The following RAB3GAP2 variants were observed in gnomAD, a reference collection of about 807,000 sequenced individuals.
RAB3GAP2 encodes RAB3 GTPase activating non-catalytic protein subunit 2, also known as rab3 GTPase-activating protein non-catalytic subunit.
RAB3GAP2 carries 87 observed loss-of-function variants against 185.3 expected under a neutral mutation model. That is an observed-to-expected ratio of 0.47 (90% CI 0.39 to 0.56). The LOEUF is 0.56. RAB3GAP2 is among the 20% of genes least tolerant of loss of function. The probability of loss-of-function intolerance (pLI) is 0.00; values close to 1 mark genes in which losing one functional copy is unlikely to be tolerated. For synonymous variants in RAB3GAP2, 554 were observed against 576.1 expected, an observed-to-expected ratio of 0.96 and a Z score of 0.55; for missense variants, 1,492 against 1,638.2, an observed-to-expected ratio of 0.91 and a Z score of 1.54.
intron 7 of RAB3GAP2, among the ~76,000 whole-genome samples, chr1:220,206,289 T>C (rs181840235): frequency 3.4e-3 from 512 of 152,262 alleles, no homozygotes; most frequent in Non-Finnish European, 6.1e-3. Context: ...AATATACTCA[T>C]TGCACAGATA....
At position 220,164,166 on chromosome 1, in the gene RAB3GAP2, C is replaced by T. The variant is rs570558946; in HGVS notation, c.3154+567G>A. Among the ~76,000 whole-genome samples, 5 of 152,252 alleles carry T rather than the reference C, an allele frequency of 3.3e-5. No individual in the cohort carries two copies. In the East Asian group the frequency reaches 9.7e-4, roughly 29 times the overall value. ...CACAAGATAGTTGCTACAGTCTAAT[C>T]TTATTAGGCTTTTGGCTACCAAGAT... On this transcript the variant is annotated intron_variant, in intron 27 of 34. Transcript: ENST00000358951.
intron 20 of RAB3GAP2, 78 bp downstream of exon 20, chr1:220,182,640 T>G: frequency 4.7e-6 from 6 of 1,283,892 alleles, no homozygotes; most frequent in Non-Finnish European, 6.4e-6. Flanking sequence ...AAATGGAATC[T>G]CTGAGATGCT....
Position 220,205,959 on chromosome 1 carries a change from A to G in RAB3GAP2, c.660T>C (p.Asp220=). 1.2e-6 allele frequency: 2 copies of G among 1,612,000 alleles called. No individual in the cohort carries two copies. The highest frequency in any genetic ancestry group is 8.5e-7 in the Non-Finnish European group (1 of 1,178,322). ...GAAGAGATTGAAAAAGGCTAAATCC[A>G]TCAATAGTCACAATGGCAGCTGGAT... The part of the protein sequence containing the change: ...ILYPAAIVTI[D]GFSLFQSLRA... The change falls in exon 8 of 35, where the codon GAT becomes GAC. Residue 220 remains aspartate, a synonymous_variant. Transcript: ENST00000358951.
rs113619045 is a variant in RAB3GAP2, at chr1:220,213,741, G to GA, written c.304+114_304+115insT. On this transcript the variant is annotated intron_variant, in intron 3 of 34. Transcript: ENST00000358951. ...GGGGCGGAGGAGGAGTTGGGGGGGG[G>GA]GGGAGAGAGAGAGAAATAAATAAAT... The GA allele has an allele frequency of 1.8e-5, 18 of 993,560 alleles. No homozygotes were observed. In the African/African-American group the frequency reaches 2.9e-4, roughly 16 times the overall value. 61.5% of individuals were successfully genotyped at this position (993,560 alleles called of 1,614,324 possible).
At position 220,185,359 on chromosome 1, in the gene RAB3GAP2, T is replaced by C. The variant is rs544150022; in HGVS notation, c.1870+292A>G. 1.6e-4 allele frequency among the ~76,000 whole-genome samples: 24 copies of C among 152,258 alleles called. No individual in the cohort carries two copies. In the Middle Eastern group the frequency reaches 0.014, roughly 86 times the overall value. ...TTCACGAGGGAAACTGATACACTGA[T>C]AGAACATTAATACAAAGCTATATCA... On this transcript the variant is annotated intron_variant, in intron 18 of 34. Coordinates refer to ENST00000358951, the MANE Select transcript of RAB3GAP2 (RefSeq NM_012414.4).
rs1298730195 is a variant in RAB3GAP2, at chr1:220,272,452, A to G, written c.-115T>C. 4.1e-6 allele frequency: 3 copies of G among 730,580 alleles called. No individual in the cohort carries two copies. The highest frequency in any genetic ancestry group is 3.5e-5 in the African/African-American group (2 of 56,852). 45.3% of individuals were successfully genotyped at this position (730,580 alleles called of 1,614,324 possible). Reference sequence around the variant, plus strand: ...CTCTAGCCAAGCAGAAGGCGGAGAAACCAAACCGGAAGCTGTCACTGACAC... The same window carrying G: ...CTCTAGCCAAGCAGAAGGCGGAGAAGCCAAACCGGAAGCTGTCACTGACAC... On this transcript the variant is annotated 5_prime_UTR_variant, in exon 1 of 35. Transcript: ENST00000358951.
At chr1:220,242,725 C>T (rs745464061) in intron 1 of RAB3GAP2, among the ~76,000 whole-genome samples, 3 of 152,086 alleles carry the variant, frequency 2.0e-5, no homozygotes, top group Admixed American at 6.5e-5. Flanking sequence ...AACAACTTTA[C>T]GAACCATTAT....
chr1:220,220,072 T>C (rs12040095), intron 2 of RAB3GAP2, among the ~76,000 whole-genome samples: 12,518 of 152,238 alleles, frequency 0.082, 723 homozygotes, highest in African/African-American at 0.16. Flanking sequence ...GACAAGGTAA[T>C]TTCCCAAGCC....
At chr1:220,163,079 T>C (rs1398714572) in intron 27 of RAB3GAP2, among the ~76,000 whole-genome samples, 1 of 152,156 alleles carries the variant, frequency 6.6e-6, no homozygotes, top group Non-Finnish European at 1.5e-5. Context: ...TTCAAGATTA[T>C]TGTGAGCTAT....
intron 1 of RAB3GAP2, among the ~76,000 whole-genome samples, chr1:220,248,391 T>G (rs1055403721): frequency 5.3e-5 from 8 of 152,100 alleles, no homozygotes; most frequent in African/African-American, 1.7e-4. Context: ...AAATTAACTA[T>G]GTAAGGTGAT....
chr1:220,228,445 T>G (rs1659442594), intron 2 of RAB3GAP2, among the ~76,000 whole-genome samples: 1 of 152,134 alleles, frequency 6.6e-6, no homozygotes. Context: ...TTCATAATAG[T>G]GCTATATATG....
intron 1 of RAB3GAP2, among the ~76,000 whole-genome samples, chr1:220,249,918 T>C (rs926469967): frequency 1.3e-5 from 2 of 152,100 alleles, no homozygotes; most frequent in Non-Finnish European, 2.9e-5. Context: ...TGAGGATGTA[T>C]GGAGATGCCT....
chr1:220,221,477 T>C (rs1659306180), intron 2 of RAB3GAP2, among the ~76,000 whole-genome samples: 1 of 152,200 alleles, frequency 6.6e-6, no homozygotes, highest in Non-Finnish European at 1.5e-5. Context: ...GACACTACTA[T>C]GGTAAATAAC....
chr1:220,175,289 C>T (rs1169257136), intron 21 of RAB3GAP2, among the ~76,000 whole-genome samples: 2 of 151,778 alleles, frequency 1.3e-5, no homozygotes, highest in Non-Finnish European at 1.5e-5. Flanking sequence ...TGCAGTGGCG[C>T]GATCTTGGCT....
chr1:220,269,880 G>A (rs1457398967), intron 1 of RAB3GAP2, among the ~76,000 whole-genome samples: 1 of 152,192 alleles, frequency 6.6e-6, no homozygotes, highest in Non-Finnish European at 1.5e-5. Context: ...TGGTGGCCTG[G>A]ACCAGGAGAG....
rs1175306731 is a variant in RAB3GAP2 at position 220,185,721 on chromosome 1, T to C, written c.1800A>G (p.Ala600=). ...TKKQALESIL[A]SERLPFSCLR... ...GGCAAGAAAATGGTAAACGTTCACT[T>C]GCCAAAATGCTTTCCAAAGCCTAGG... The change falls in exon 18 of 35, where the codon GCA becomes GCG. Residue 600 remains alanine, a synonymous_variant. Coordinates refer to ENST00000358951, the MANE Select transcript of RAB3GAP2 (RefSeq NM_012414.4). 6.2e-7 allele frequency: 1 copy of C among 1,611,788 alleles called. No homozygotes were observed. Among genetic ancestry groups the C allele is most frequent in the African/African-American group, 1.3e-5 (1 of 74,846 alleles).
intron 24 of RAB3GAP2, among the ~76,000 whole-genome samples, chr1:220,170,432 A>G (rs1216158922): frequency 1.3e-5 from 2 of 151,874 alleles, no homozygotes; most frequent in South Asian, 2.1e-4. Flanking sequence ...AAAAGTAGTT[A>G]TATTTCCCAA....
At chr1:220,271,708 G>T (rs1270795466) in intron 1 of RAB3GAP2, among the ~76,000 whole-genome samples, 1 of 152,000 alleles carries the variant, frequency 6.6e-6, no homozygotes, top group African/African-American at 2.4e-5. Flanking sequence ...GAGAGTGTGG[G>T]GGGATGATCA....
At chr1:220,232,457 T>C (rs2102891497) in intron 2 of RAB3GAP2, among the ~76,000 whole-genome samples, 1 of 152,326 alleles carries the variant, frequency 6.6e-6, no homozygotes, top group African/African-American at 2.4e-5. Context: ...CCTATCACCT[T>C]CACCGTATTA....
Sources: allele counts gnomAD v4.1 joint callset (sites outside exome capture counted in the v4.1 genomes callset), GRCh38; gene constraint gnomAD v4.1.1; transcripts MANE v1.5; gene names NCBI Gene and HGNC (gene_info 2026-07-23, HGNC 2026-07-21).